The following EFHC2 variants were observed in gnomAD, a reference collection of about 807,000 sequenced individuals.
EFHC2 encodes EF-hand domain-containing family member C2.
Under a neutral mutation model 52.7 loss-of-function variants are expected in EFHC2, and 18 were observed. That is an observed-to-expected ratio of 0.34 (90% CI 0.24 to 0.51). The LOEUF is 0.51. EFHC2 is among the 20% of genes least tolerant of loss of function. EFHC2 has a pLI of 0.97. For synonymous variants in EFHC2, 203 were observed against 204.1 expected, an observed-to-expected ratio of 0.99 and a Z score of 0.04; for missense variants, 513 against 562.5, an observed-to-expected ratio of 0.91 and a Z score of 0.89.
At chrX:44,259,232 T>A (rs753882273) in intron 4 of EFHC2, among the ~76,000 whole-genome samples, 205 of 111,676 alleles carry the variant, frequency 1.8e-3, no homozygotes, top group Non-Finnish European at 2.6e-3. Flanking sequence ...AAAGGATGAG[T>A]TCATGTCCTT....
chrX:44,248,909 G>A lies in EFHC2; in HGVS notation c.866C>T (p.Pro289Leu). The A allele has an allele frequency of 8.5e-7, 1 of 1,178,591 alleles. No homozygotes were observed. Among genetic ancestry groups the A allele is most frequent in the East Asian group, 3.0e-5 (1 of 33,269 alleles). The stretch of plus-strand genomic sequence containing the variant: ...CTGGCCTGGTTGATAGACTCTAGGT[G>A]GGCAATTCTGGAAGACAAAATCAAA... The part of the protein sequence containing the change: ...LRRSKLPKNC[P>L]PRVYQPGQIT... Residue 289 changes from proline to leucine, a missense_variant, in exon 6 of 15, where the codon CCA (proline) becomes CTA (leucine). Coordinates refer to ENST00000420999, the MANE Select transcript of EFHC2 (RefSeq NM_025184.4).
chrX:44,191,668 G>A lies in EFHC2; in HGVS notation c.1752-13104C>T, dbSNP rs557598145. On this transcript the variant is annotated intron_variant, in intron 11 of 14. Coordinates refer to ENST00000420999, the MANE Select transcript of EFHC2 (RefSeq NM_025184.4). ...AATATGCTATAGGAACTTAACTTTC[G>A]TTTATCTCAATTAGCCTAAGGGAAA... 2.1e-3 allele frequency among the ~76,000 whole-genome samples: 231 copies of A among 111,882 alleles called. 1 individual carries two copies. The highest frequency in any genetic ancestry group is 6.7e-3 in the African/African-American group (207 of 30,829).
chrX:44,294,245 TC>T (rs1278703020), intron 2 of EFHC2, among the ~76,000 whole-genome samples: 29 of 90,520 alleles, frequency 3.2e-4, no homozygotes, highest in Non-Finnish European at 5.9e-4. Flanking sequence ...TTTGGTATAC[TC>T]AACGTGTGTG....
At chrX:44,291,808 A>G (rs2037793925) in intron 2 of EFHC2, among the ~76,000 whole-genome samples, 1 of 112,743 alleles carries the variant, frequency 8.9e-6, no homozygotes, top group Admixed American at 9.4e-5. Flanking sequence ...AAAATACTGA[A>G]TAATATATAA....
intron 13 of EFHC2, among the ~76,000 whole-genome samples, chrX:44,166,012 G>C (rs1292219502): frequency 5.4e-5 from 6 of 111,805 alleles, no homozygotes; most frequent in African/African-American, 1.6e-4. Flanking sequence ...GGACATCCCA[G>C]CCATGAGAAC....
At chrX:44,255,248 G>A (rs577008069) in intron 4 of EFHC2, among the ~76,000 whole-genome samples, 3 of 111,727 alleles carry the variant, frequency 2.7e-5, no homozygotes, top group Admixed American at 9.5e-5. Flanking sequence ...GCATCATAAT[G>A]ACAGGATCAA....
intron 2 of EFHC2, among the ~76,000 whole-genome samples, chrX:44,279,363 T>A (rs1272548559): frequency 7.2e-5 from 8 of 110,948 alleles, no homozygotes; most frequent in Non-Finnish European, 1.9e-5. Context: ...CAAAAGGTTT[T>A]GAAAAAGCAA....
At chrX:44,304,867 C>T (rs1278955330) in intron 2 of EFHC2, among the ~76,000 whole-genome samples, 1 of 109,756 alleles carries the variant, frequency 9.1e-6, no homozygotes, top group Admixed American at 9.8e-5. Context: ...TTGCCTTCCC[C>T]ACACTGCAGG....
chrX:44,297,411 G>A (rs190270392), intron 2 of EFHC2, among the ~76,000 whole-genome samples: 36 of 109,916 alleles, frequency 3.3e-4, no homozygotes, highest in Non-Finnish European at 1.9e-4. Context: ...AAGGGGAAGG[G>A]GAAAGGCCCT....
rs144325246 is a variant in EFHC2 at position 44,210,507 on chromosome X, G to C, written c.1751+19142C>G. ...ACAAATACGTCAATTGGACAGAATA[G>C]AGTCCAGAAATAGGCCCATTCCTAC... is the stretch of plus-strand genomic sequence containing the variant. On this transcript the variant is annotated intron_variant, in intron 11 of 14. Transcript: ENST00000420999. Among the ~76,000 whole-genome samples, 56 of 112,402 alleles carry C rather than the reference G, an allele frequency of 5.0e-4. 1 individual carries two copies. The highest frequency in any genetic ancestry group is 3.6e-3 in the Admixed American group (38 of 10,651).
chrX:44,308,646 G>T (rs753065010), intron 2 of EFHC2, among the ~76,000 whole-genome samples: 2 of 111,582 alleles, frequency 1.8e-5, no homozygotes, highest in African/African-American at 6.5e-5. Flanking sequence ...TACCCAAGCC[G>T]CAGGATAAAA....
chrX:44,309,808 C>T, intron 2 of EFHC2: 1 of 1,082,209 alleles, frequency 9.2e-7, no homozygotes, highest in Non-Finnish European at 1.3e-6. Flanking sequence ...GGCTACAACA[C>T]GTTCACCATA....
At position 44,148,701 on chromosome X, in the gene EFHC2, T is replaced by C; in HGVS notation, c.*94A>G. ...GGATTTCCATTTAATATAAACCTTG[T>C]TTCTTTTTTGTTTTTAATGAAATTA... On this transcript the variant is annotated 3_prime_UTR_variant, in exon 15 of 15. Coordinates refer to ENST00000420999, the MANE Select transcript of EFHC2 (RefSeq NM_025184.4). The C allele has an allele frequency of 2.7e-6, 2 of 751,902 alleles. No individual in the cohort carries two copies. Among genetic ancestry groups the C allele is most frequent in the South Asian group, 2.7e-5 (1 of 37,211 alleles). 62.0% of individuals were successfully genotyped at this position (751,902 alleles called of 1,213,427 possible).
intron 2 of EFHC2, among the ~76,000 whole-genome samples, chrX:44,298,797 G>A (rs2037846541): frequency 9.9e-6 from 1 of 100,829 alleles, no homozygotes. Flanking sequence ...GGAGGTAGAG[G>A]TTGCAGTGAG....
At chrX:44,238,849 T>C (rs1461875706) in intron 8 of EFHC2, among the ~76,000 whole-genome samples, 4 of 112,065 alleles carry the variant, frequency 3.6e-5, no homozygotes, top group Admixed American at 2.8e-4. Context: ...ATCTTGTAAA[T>C]ACTTCATAAT....
intron 1 of EFHC2, among the ~76,000 whole-genome samples, chrX:44,318,318 C>A (rs1376537243): frequency 2.7e-5 from 3 of 111,538 alleles, no homozygotes; most frequent in Non-Finnish European, 3.8e-5. Flanking sequence ...ATGAAATATA[C>A]AAAATAGGCA....
chrX:44,328,815 G>A (rs908940365), intron 1 of EFHC2, among the ~76,000 whole-genome samples: 2 of 111,133 alleles, frequency 1.8e-5, no homozygotes, highest in Non-Finnish European at 3.8e-5. Flanking sequence ...CAGTCAAACT[G>A]ATTGCTGGGC....
rs769824272 is a variant in EFHC2, at chrX:44,160,952, T to C, written c.2148+2970A>G. ...AAAAAAAGAGATTAATAAATTATTATATATTCATACCACAGCTATTAAGAA... is the reference window on the plus strand; with the variant it reads ...AAAAAAAGAGATTAATAAATTATTACATATTCATACCACAGCTATTAAGAA... On this transcript the variant is annotated intron_variant, in intron 14 of 14. Coordinates refer to ENST00000420999, the MANE Select transcript of EFHC2 (RefSeq NM_025184.4). 3.6e-5 allele frequency among the ~76,000 whole-genome samples: 4 copies of C among 111,706 alleles called. No homozygotes were observed. In the East Asian group the frequency reaches 8.4e-4, roughly 23 times the overall value.
intron 2 of EFHC2, among the ~76,000 whole-genome samples, chrX:44,303,090 C>A (rs985812644): frequency 9.0e-6 from 1 of 110,963 alleles, no homozygotes; most frequent in Non-Finnish European, 1.9e-5. Flanking sequence ...AGAAAAGTAG[C>A]CCCTGACATC....
Sources: gnomAD v4.1 joint callset for allele counts (sites outside exome capture counted in the v4.1 genomes callset) on GRCh38, gnomAD v4.1.1 for gene constraint, MANE v1.5 for transcripts, NCBI Gene and HGNC (gene_info 2026-07-23, HGNC 2026-07-21) for gene names.